Variants in ZNF98 observed in about 807,000 individuals in gnomAD.
ZNF98 encodes zinc finger protein 739.
ZNF98 carries 8 observed loss-of-function variants against 12.8 expected under a neutral mutation model. The observed-to-expected ratio is 0.63, with a 90% CI of 0.37 to 1.13. The LOEUF (loss-of-function observed/expected upper bound fraction) is 1.13. Among genes scored for constraint, ZNF98 ranks in the 50% most tolerant of loss-of-function variants. ZNF98 has a pLI of 0.01. For synonymous variants in ZNF98, 112 were observed against 223.5 expected (o/e 0.50, Z 4.45); for missense variants, 379 against 666.1 (o/e 0.57, Z 4.74).
At chr19:22,420,200 C>T (rs1244859576) in intron 1 of ZNF98, among the ~76,000 whole-genome samples, 1 of 152,074 alleles carries the variant, frequency 6.6e-6, no homozygotes, top group Non-Finnish European at 1.5e-5. Context: ...GTGTCTGACT[C>T]ATGGGTCAAT....
At chr19:22,402,095 G>A (rs1179594722) in intron 3 of ZNF98, among the ~76,000 whole-genome samples, 1 of 141,438 alleles carries the variant, frequency 7.1e-6, no homozygotes, top group African/African-American at 2.7e-5. Context: ...AGAATCGCTT[G>A]AACCCAGGAG....
At chr19:22,419,226 C>T (rs746264330) in intron 1 of ZNF98, among the ~76,000 whole-genome samples, 1 of 152,114 alleles carries the variant, frequency 6.6e-6, no homozygotes, top group Non-Finnish European at 1.5e-5. Context: ...ATTAATCTAA[C>T]TTTGGTTTAT....
Position 22,391,614 on chromosome 19 carries a change from T to G in ZNF98, c.1621A>C (p.Thr541Pro), listed in dbSNP as rs374501738. The change falls in exon 4 of 4, where the codon ACT becomes CCT. Residue 541 changes from threonine to proline, a missense_variant. Thr to Pro is a conservative substitution (Grantham distance 38). Transcript: ENST00000357774. ...SILNRHKMIH[T>P]GEKLYKPESC... ...TCAGGTTTGTAGAGTTTCTCTCCAG[T>G]ATGAATCATCTTATGTCTGTTAAGA... The G allele has an allele frequency of 9.9e-5, 159 of 1,613,194 alleles. No homozygotes were observed. The African/African-American group carries it at 1.8e-3, about 19-fold the overall frequency.
chr19:22,419,195 C>G (rs901985947), intron 1 of ZNF98, among the ~76,000 whole-genome samples: 3 of 152,104 alleles, frequency 2.0e-5, no homozygotes, highest in East Asian at 1.9e-4. Context: ...TTACAATACT[C>G]CTTTGGAATT....
chr19:22,401,360 AAAT>A, intron 3 of ZNF98, among the ~76,000 whole-genome samples: 1 of 152,180 alleles, frequency 6.6e-6, no homozygotes, highest in Non-Finnish European at 1.5e-5. Flanking sequence ...AATAGCACTA[AAAT>A]AATAAATTTC....
intron 1 of ZNF98, among the ~76,000 whole-genome samples, chr19:22,419,939 C>G (rs906965675): frequency 6.6e-6 from 1 of 151,998 alleles, no homozygotes; most frequent in Admixed American, 6.6e-5. Flanking sequence ...AGGCAGATCA[C>G]CAGGTCAGGA....
At chr19:22,418,604 A>T (rs1183136141) in intron 1 of ZNF98, among the ~76,000 whole-genome samples, 2 of 152,178 alleles carry the variant, frequency 1.3e-5, no homozygotes, top group Non-Finnish European at 2.9e-5. Context: ...GCTGGCTGGG[A>T]GCAGTGGCTC....
chr19:22,403,351 T>C (rs778702497), intron 2 of ZNF98, 35 bp downstream of exon 2: 2 of 1,553,990 alleles, frequency 1.3e-6, no homozygotes, highest in Non-Finnish European at 1.7e-6. Flanking sequence ...ATTTATAGGG[T>C]ATATTAGGGA....
At chr19:22,419,953 C>G (rs562580002) in intron 1 of ZNF98, among the ~76,000 whole-genome samples, 4 of 151,834 alleles carry the variant, frequency 2.6e-5, no homozygotes, top group African/African-American at 9.7e-5. Flanking sequence ...GTCAGGAGTT[C>G]GAGACCAACC....
intron 3 of ZNF98, among the ~76,000 whole-genome samples, chr19:22,395,876 G>GAA (rs56132872): frequency 0.038 from 5,497 of 145,740 alleles, 353 homozygotes; most frequent in African/African-American, 0.13. Flanking sequence ...TGAGGGGGGG[G>GAA]AAAAAAAAAA....
At chr19:22,397,212 T>TTGTGTGTGTGTGTGTGTG (rs3084811) in intron 3 of ZNF98, among the ~76,000 whole-genome samples, 2 of 145,220 alleles carry the variant, frequency 1.4e-5, no homozygotes, top group African/African-American at 5.2e-5. Flanking sequence ...GTGTGTGTTT[T>TTGTGTGTGTGTGTGTGTG]TGTGTGTGTG....
chr19:22,416,326 C>G (rs186431548), intron 1 of ZNF98, among the ~76,000 whole-genome samples: 4 of 150,134 alleles, frequency 2.7e-5, no homozygotes, highest in Admixed American at 2.7e-4. Context: ...AAAAATTAGC[C>G]GGGCGTGGTG....
chr19:22,398,630 C>A (rs1301131035), intron 3 of ZNF98, among the ~76,000 whole-genome samples: 1 of 152,104 alleles, frequency 6.6e-6, no homozygotes, highest in East Asian at 1.9e-4. Flanking sequence ...CCGGGGATTA[C>A]AGACGTGAAC....
chr19:22,392,856 T>C lies in ZNF98; in HGVS notation c.379A>G (p.Lys127Glu). Residue 127 changes from lysine (K) to glutamate (E), a missense_variant, in exon 4 of 4, where the codon AAA (lysine) becomes GAA (glutamate). Physicochemically the swap from Lys to Glu is moderately conservative, Grantham distance 56. Coordinates refer to ENST00000357774, the MANE Select transcript of ZNF98 (RefSeq NM_001098626.2). ...RENLQLRKYC[K>E]SMDECKVHKE... ...TGCACCTTACACTCATCCATGCTTT[T>C]ACAGTATTTTCTTAACTGTAAATTT... The C allele has an allele frequency of 6.2e-7, 1 of 1,610,544 alleles. No individual in the cohort carries two copies. The highest frequency in any genetic ancestry group is 1.1e-5 in the South Asian group (1 of 90,058).
chr19:22,421,869 C>T (rs1029932355), intron 1 of ZNF98, among the ~76,000 whole-genome samples: 3 of 152,154 alleles, frequency 2.0e-5, no homozygotes, highest in Non-Finnish European at 4.4e-5. Context: ...CCCCAGCACC[C>T]CGAGTCAGGA....
chr19:22,420,035 T>C (rs1297755321), intron 1 of ZNF98, among the ~76,000 whole-genome samples: 1 of 151,878 alleles, frequency 6.6e-6, no homozygotes, highest in Non-Finnish European at 1.5e-5. Context: ...TGGTGGTGCA[T>C]GCCTGTAGTC....
At chr19:22,415,454 C>T (rs1424905778) in intron 1 of ZNF98, among the ~76,000 whole-genome samples, 1 of 152,054 alleles carries the variant, frequency 6.6e-6, no homozygotes, top group Admixed American at 6.6e-5. Context: ...AACCTAACTG[C>T]TTCTCAACTG....
chr19:22,400,117 T>C (rs1969439667), intron 3 of ZNF98, among the ~76,000 whole-genome samples: 1 of 152,292 alleles, frequency 6.6e-6, no homozygotes, highest in Non-Finnish European at 1.5e-5. Flanking sequence ...AATTCTGAAC[T>C]TACCCTGCAA....
intron 1 of ZNF98, among the ~76,000 whole-genome samples, chr19:22,410,411 T>C (rs1969568131): frequency 6.6e-6 from 1 of 152,208 alleles, no homozygotes; most frequent in African/African-American, 2.4e-5. Flanking sequence ...CATGGAATAC[T>C]ATGCAGCCAT....
Sources: allele counts gnomAD v4.1 joint callset (sites outside exome capture counted in the v4.1 genomes callset), GRCh38; gene constraint gnomAD v4.1.1; transcripts MANE v1.5; gene names NCBI Gene and HGNC (gene_info 2026-07-23, HGNC 2026-07-21).